EFCAB14: variants seen among roughly 807,000 people sequenced by gnomAD.
EFCAB14 encodes EF-hand calcium binding domain 14, also known as EF-hand calcium-binding domain-containing protein 14.
EFCAB14 carries 43 observed loss-of-function variants against 56.5 expected under a neutral mutation model. That is an observed-to-expected ratio of 0.76 (90% confidence interval 0.60 to 0.98). The LOEUF (loss-of-function observed/expected upper bound fraction) is 0.98. EFCAB14 is among the 50% of genes least tolerant of loss of function. EFCAB14 has a pLI of 0.00. For missense variants in EFCAB14, 538 were observed against 580.3 expected (o/e 0.93, Z 0.75); for synonymous variants, 235 against 212.9 (o/e 1.10, Z -0.90).
intron 5 of EFCAB14, among the ~76,000 whole-genome samples, chr1:46,690,290 A>G (rs1676970419): frequency 6.6e-6 from 1 of 152,196 alleles, no homozygotes; most frequent in Admixed American, 6.5e-5. Flanking sequence ...GTTTATATAC[A>G]CTTTTCCTTT....
At chr1:46,681,817 A>G (rs1676800206) in intron 10 of EFCAB14, among the ~76,000 whole-genome samples, 1 of 152,220 alleles carries the variant, frequency 6.6e-6, no homozygotes, top group African/African-American at 2.4e-5. Flanking sequence ...TGAGGACTGA[A>G]GCACAAGTGT....
chr1:46,706,423 T>G (rs979899060), intron 3 of EFCAB14, among the ~76,000 whole-genome samples: 1 of 152,230 alleles, frequency 6.6e-6, no homozygotes, highest in Admixed American at 6.5e-5. Context: ...TCTCCCACCA[T>G]GTACCAATAT....
rs754510804 is a variant in EFCAB14, at chr1:46,718,053, C to T, written c.35G>A (p.Gly12Asp). ...CTTTCTCCGGCTGTCCCCAGCCAAACCAATCAATGCATTGAGCTCTTTGCG... is the reference window on the plus strand; with the variant it reads ...CTTTCTCCGGCTGTCCCCAGCCAAATCAATCAATGCATTGAGCTCTTTGCG... ...KKRKELNALI[G>D]LAGDSRRKKP... is the part of the protein sequence containing the mutation. Residue 12 changes from glycine to aspartate, a missense_variant, in exon 1 of 11, where the codon GGT becomes GAT. Coordinates refer to ENST00000371933, the MANE Select transcript of EFCAB14 (RefSeq NM_014774.3). 3.1e-6 allele frequency: 5 copies of T among 1,614,196 alleles called. No homozygotes were observed. The South Asian group carries it at 4.4e-5, about 14-fold the overall frequency.
chr1:46,713,137 C>T (rs1677333535), intron 2 of EFCAB14, among the ~76,000 whole-genome samples: 1 of 152,022 alleles, frequency 6.6e-6, no homozygotes, highest in Non-Finnish European at 1.5e-5. Context: ...TTGGTTCTCA[C>T]AAAATAACTC....
At position 46,718,101 on chromosome 1, in the gene EFCAB14, G is replaced by T; in HGVS notation, c.-14C>A. On this transcript the variant is annotated 5_prime_UTR_variant, in exon 1 of 11. Coordinates refer to ENST00000371933, the MANE Select transcript of EFCAB14 (RefSeq NM_014774.3). ...GCGCTTTTTCATCTTTTTGTGTGGG[G>T]TGAGTGGAGCCCCGACTCCTGAGCT... 1.2e-6 allele frequency: 2 copies of T among 1,612,456 alleles called. No homozygotes were observed. Among genetic ancestry groups the T allele is most frequent in the Non-Finnish European group, 1.7e-6 (2 of 1,178,886 alleles).
chr1:46,678,188 G>T lies in EFCAB14; in HGVS notation c.*273C>A. ...CTCCTCCCCTCAAAAAAAGGAAAGAGAAAAAAAGAGGGCTTTAATTTTTTT... is the reference window on the plus strand; with the variant it reads ...CTCCTCCCCTCAAAAAAAGGAAAGATAAAAAAAGAGGGCTTTAATTTTTTT... On this transcript the variant is annotated 3_prime_UTR_variant, in exon 11 of 11. Coordinates refer to ENST00000371933, the MANE Select transcript of EFCAB14 (RefSeq NM_014774.3). 1 of 282,810 alleles carries T rather than the reference G, an allele frequency of 3.5e-6. No individual in the cohort carries two copies. The highest frequency in any genetic ancestry group is 6.5e-6 in the Non-Finnish European group (1 of 153,962). The allele number at this position is 282,810 out of a possible 1,614,324, so 17.5% of individuals were successfully genotyped here.
At chr1:46,689,741 T>G in intron 5 of EFCAB14, 50 bp from the exon 6 acceptor site, 2 of 1,488,350 alleles carry the variant, frequency 1.3e-6, no homozygotes, top group Non-Finnish European at 1.9e-6. Flanking sequence ...TTATTAGGTC[T>G]ACTTAACTAT....
chr1:46,703,564 A>C (rs999232033), intron 3 of EFCAB14, among the ~76,000 whole-genome samples: 1 of 152,208 alleles, frequency 6.6e-6, no homozygotes, highest in Non-Finnish European at 1.5e-5. Context: ...CCTATCTAAC[A>C]CATGTATTTT....
In EFCAB14 at chr1:46,716,380, G is replaced by A. The variant is rs1335884504; in HGVS notation, c.249C>T (p.Ala83=). ...CCAAGCCAACACAGGCCACAACACA[G>A]GCAGCAAGGATGACAAAACCACAGA... is the stretch of plus-strand genomic sequence containing the variant. The part of the protein sequence containing the change: ...YPLCGFVILA[A]CVVACVGLVW... Residue 83 remains alanine (A), a synonymous_variant, in exon 2 of 11, where the codon GCC becomes GCT. Transcript: ENST00000371933. 8.7e-6 allele frequency: 14 copies of A among 1,613,816 alleles called. No homozygotes were observed. The highest frequency in any genetic ancestry group is 1.2e-5 in the Non-Finnish European group (14 of 1,180,010).
At chr1:46,689,751 T>C in intron 5 of EFCAB14, 60 bp from the exon 6 acceptor site, 1 of 1,425,200 alleles carries the variant, frequency 7.0e-7, no homozygotes, top group South Asian at 1.2e-5. Flanking sequence ...TACTTAACTA[T>C]CTGAGATTGT....
intron 4 of EFCAB14, among the ~76,000 whole-genome samples, chr1:46,695,519 A>G (rs1218160325): frequency 5.9e-5 from 9 of 152,226 alleles, no homozygotes; most frequent in African/African-American, 2.2e-4. Flanking sequence ...GAAAGAATTC[A>G]TATGCTCATA....
rs1676679833 is a variant in EFCAB14 at position 46,675,533 on chromosome 1, T to G, written c.*2928A>C. The G allele has an allele frequency of 6.6e-6, 1 of 152,654 alleles. No homozygotes were observed. Among genetic ancestry groups the G allele is most frequent in the Non-Finnish European group, 1.5e-5 (1 of 68,124 alleles). The allele number at this position is 152,654 out of a possible 1,614,324, so 9.5% of individuals were successfully genotyped here. A position where few individuals can be genotyped will look rare whatever the true frequency, so the allele number is the denominator to read the frequency against. On this transcript the variant is annotated 3_prime_UTR_variant, in exon 11 of 11. Transcript: ENST00000371933. ...ACAACTCAACAGGCCATTATGAGTA[T>G]GAGCCCATCACAGCCAAAATCCTCA...
chr1:46,686,874 A>C lies in EFCAB14; in HGVS notation c.988-4T>G, dbSNP rs776266973. 1 of 1,613,448 alleles carries C rather than the reference A, an allele frequency of 6.2e-7. No homozygotes were observed. The highest frequency in any genetic ancestry group is 8.5e-7 in the Non-Finnish European group (1 of 1,179,620). The stretch of plus-strand genomic sequence containing the variant: ...GAGTGGCAGATCTATCACCCATCTT[A>C]AAGGGCAAAACAAAAACAAACAAAC... On this transcript the variant is annotated splice_polypyrimidine_tract_variant and splice_region_variant and intron_variant, in intron 7 of 10. Coordinates refer to ENST00000371933, the MANE Select transcript of EFCAB14 (RefSeq NM_014774.3).
intron 4 of EFCAB14, among the ~76,000 whole-genome samples, chr1:46,693,263 T>C (rs542727762): frequency 1.7e-4 from 26 of 152,210 alleles, no homozygotes; most frequent in Non-Finnish European, 3.2e-4. Context: ...TCAGTGAGTT[T>C]TGGCCTTTTC....
chr1:46,705,903 T>C (rs1236285761), intron 3 of EFCAB14, among the ~76,000 whole-genome samples: 1 of 152,100 alleles, frequency 6.6e-6, no homozygotes, highest in African/African-American at 2.4e-5. Context: ...CTTGCTCTGT[T>C]GCCCAGGCTA....
chr1:46,717,545 T>A (rs1343316637), intron 1 of EFCAB14, among the ~76,000 whole-genome samples: 1 of 152,076 alleles, frequency 6.6e-6, no homozygotes, highest in Admixed American at 6.5e-5. Flanking sequence ...AGTCTTAAAG[T>A]CTCTGCTTCT....
chr1:46,684,657 G>A (rs1047784373), intron 8 of EFCAB14, 55 bp from the exon 9 acceptor site: 1 of 1,394,392 alleles, frequency 7.2e-7, no homozygotes, highest in African/African-American at 1.4e-5. Context: ...CTTCATCTAA[G>A]TGTCCACTGT....
At chr1:46,710,809 C>G (rs72900717) in intron 2 of EFCAB14, among the ~76,000 whole-genome samples, 3,088 of 152,236 alleles carry the variant, frequency 0.02, 90 homozygotes, top group African/African-American at 0.07. Context: ...GCCTCAGCCT[C>G]CTTAGTTGTT....
Position 46,716,409 on chromosome 1 carries a change from G to A in EFCAB14, c.220C>T (p.Pro74Ser), listed in dbSNP as rs1192362148. The stretch of plus-strand genomic sequence containing the variant: ...GCAAGGATGACAAAACCACAGAGCG[G>A]ATAACAGATCTTGCAGCATCGTAAA... ...DYLRCCKICY[P>S]LCGFVILAAC... The change falls in exon 2 of 11, where the codon CCG (proline) becomes TCG (serine). Residue 74 changes from proline to serine, a missense_variant. Transcript: ENST00000371933. The A allele has an allele frequency of 1.2e-6, 2 of 1,613,998 alleles. No homozygotes were observed. The highest frequency in any genetic ancestry group is 1.3e-5 in the African/African-American group (1 of 74,892).
Sources: gnomAD v4.1 joint callset for allele counts (sites outside exome capture counted in the v4.1 genomes callset) on GRCh38, gnomAD v4.1.1 for gene constraint, MANE v1.5 for transcripts, NCBI Gene and HGNC (gene_info 2026-07-23, HGNC 2026-07-21) for gene names.